Variants in SREK1IP1 observed in about 807,000 individuals in gnomAD.
SREK1IP1 encodes the protein protein SREK1IP1.
A neutral mutation model predicts 22.8 loss-of-function variants in SREK1IP1; 12 were observed. The observed-to-expected ratio is 0.53, with a 90% CI of 0.34 to 0.85. SREK1IP1 has a LOEUF of 0.85. Ranked by LOEUF, SREK1IP1 falls within the 40% of genes least tolerant of loss-of-function variation. The probability of loss-of-function intolerance (pLI) is 0.02; values close to 1 mark genes in which losing one functional copy is unlikely to be tolerated. For synonymous variants in SREK1IP1, 53 were observed against 52.7 expected, an observed-to-expected ratio of 1.01 and a Z score of -0.02; for missense variants, 147 against 171.8, an observed-to-expected ratio of 0.86 and a Z score of 0.81.
intron 1 of SREK1IP1, among the ~76,000 whole-genome samples, chr5:64,763,720 TG>T (rs1358679476): frequency 1.3e-5 from 2 of 152,210 alleles, no homozygotes; most frequent in East Asian, 3.8e-4. Context: ...TTACCTATGA[TG>T]GGTATAACTT....
At position 64,755,623 on chromosome 5, in the gene SREK1IP1, T is replaced by C. The variant is rs149000376; in HGVS notation, c.14-1261A>G. Among the ~76,000 whole-genome samples, 553 of 152,138 alleles carry C rather than the reference T, an allele frequency of 3.6e-3. 4 individuals carry two copies. The highest frequency in any genetic ancestry group is 9.2e-3 in the African/African-American group (381 of 41,486). ...TATGCTCAGTACCTTAGTGATGGGA[T>C]TTGTACCCCAAACCTCACCATTATG... On this transcript the variant is annotated intron_variant, in intron 1 of 4. Transcript: ENST00000513458.
intron 1 of SREK1IP1, among the ~76,000 whole-genome samples, chr5:64,757,206 G>T (rs904065211): frequency 6.6e-6 from 1 of 152,194 alleles, no homozygotes; most frequent in Non-Finnish European, 1.5e-5. Flanking sequence ...GGGCCAGCCT[G>T]GGCAACATAG....
At chr5:64,754,118 C>T (rs1742795113) in intron 2 of SREK1IP1, among the ~76,000 whole-genome samples, 197 bp downstream of exon 2, 1 of 152,146 alleles carries the variant, frequency 6.6e-6, no homozygotes, top group South Asian at 2.1e-4. Flanking sequence ...TACATAGCTA[C>T]CTGTTACTGG....
intron 1 of SREK1IP1, among the ~76,000 whole-genome samples, chr5:64,767,176 C>T (rs1283247257): frequency 6.6e-6 from 1 of 152,184 alleles, no homozygotes; most frequent in African/African-American, 2.4e-5. Context: ...ACTGCAGTCT[C>T]CTCTCCCTTC....
chr5:64,727,553 A>ATATATATATATATTTTTTTTT, intron 4 of SREK1IP1: 15 of 84,670 alleles, frequency 1.8e-4, no homozygotes, highest in African/African-American at 8.2e-4. Context: ...ATATATATAT[A>ATATATATATATATTTTTTTTT]TTTTTTTTTT....
intron 2 of SREK1IP1, among the ~76,000 whole-genome samples, chr5:64,747,569 G>T (rs1742661564): frequency 6.6e-6 from 1 of 152,174 alleles, no homozygotes; most frequent in South Asian, 2.1e-4. Context: ...AAAAGGTAGA[G>T]AAATTAGAGC....
intron 3 of SREK1IP1, among the ~76,000 whole-genome samples, chr5:64,732,399 T>C (rs1345392311): frequency 6.6e-6 from 1 of 151,752 alleles, no homozygotes; most frequent in Non-Finnish European, 1.5e-5. Flanking sequence ...GAAGAAAAAA[T>C]AAACATACAA....
intron 2 of SREK1IP1, among the ~76,000 whole-genome samples, chr5:64,742,304 G>A (rs1040737135): frequency 4.6e-5 from 7 of 151,926 alleles, no homozygotes; most frequent in Admixed American, 3.9e-4. Flanking sequence ...GTCTCTTTGT[G>A]CACATGTACT....
chr5:64,752,146 G>GTTTTTT (rs869277379), intron 2 of SREK1IP1, among the ~76,000 whole-genome samples: 1 of 61,038 alleles, frequency 1.6e-5, no homozygotes, highest in Non-Finnish European at 3.0e-5. Context: ...TTTTTTGTGT[G>GTTTTTT]TTTTTTTTTT....
intron 1 of SREK1IP1, among the ~76,000 whole-genome samples, chr5:64,758,075 AC>A (rs1305132792): frequency 6.0e-5 from 9 of 151,160 alleles, no homozygotes; most frequent in African/African-American, 2.2e-4. Flanking sequence ...ATGGGGTTTC[AC>A]CATGTTAGCC....
intron 2 of SREK1IP1, among the ~76,000 whole-genome samples, chr5:64,748,521 T>C (rs1283552120): frequency 1.3e-5 from 2 of 152,172 alleles, no homozygotes; most frequent in African/African-American, 4.8e-5. Flanking sequence ...AAAAAGCAAA[T>C]GAAAAGGAGC....
chr5:64,766,354 C>G (rs1743032531), intron 1 of SREK1IP1, among the ~76,000 whole-genome samples: 1 of 152,154 alleles, frequency 6.6e-6, no homozygotes, highest in Non-Finnish European at 1.5e-5. Context: ...CAGTAAAACC[C>G]AGGTAAACCT....
At chr5:64,733,230 T>C (rs1340973528) in intron 3 of SREK1IP1, among the ~76,000 whole-genome samples, 3 of 152,072 alleles carry the variant, frequency 2.0e-5, no homozygotes, top group African/African-American at 2.4e-5. Context: ...AAAGACCTGG[T>C]AAGAGGATAA....
chr5:64,764,063 G>C (rs1742995436), intron 1 of SREK1IP1, among the ~76,000 whole-genome samples: 1 of 151,952 alleles, frequency 6.6e-6, no homozygotes, highest in African/African-American at 2.4e-5. Flanking sequence ...TTCATGTATT[G>C]CTTAAAGTTT....
intron 3 of SREK1IP1, among the ~76,000 whole-genome samples, chr5:64,739,171 T>C (rs969352459): frequency 6.6e-6 from 1 of 152,190 alleles, no homozygotes; most frequent in Admixed American, 6.5e-5. Context: ...GTCCTTCAGT[T>C]CTTCGAAATT....
At chr5:64,745,917 C>G (rs1296268173) in intron 2 of SREK1IP1, among the ~76,000 whole-genome samples, 1 of 151,180 alleles carries the variant, frequency 6.6e-6, no homozygotes, top group Non-Finnish European at 1.5e-5. Flanking sequence ...GTTCTTACAG[C>G]AAACAATGTA....
intron 3 of SREK1IP1, among the ~76,000 whole-genome samples, chr5:64,731,521 C>CAAAAAA (rs10599290): frequency 2.8e-4 from 21 of 74,682 alleles, no homozygotes; most frequent in East Asian, 1.3e-3. Flanking sequence ...GCCCTTGTCT[C>CAAAAAA]AAAAAAAAAA....
chr5:64,729,916 T>C (rs1742348364), intron 3 of SREK1IP1, among the ~76,000 whole-genome samples: 1 of 152,164 alleles, frequency 6.6e-6, no homozygotes, highest in African/African-American at 2.4e-5. Flanking sequence ...AGTAGGTAGT[T>C]TGGTATGTGA....
rs1424610000 is a variant in SREK1IP1 at position 64,719,274 on chromosome 5, T to A, written c.*5110A>T. The A allele has an allele frequency of 6.6e-6, 1 of 152,220 alleles. No homozygotes were observed. Among genetic ancestry groups the A allele is most frequent in the Admixed American group, 6.5e-5 (1 of 15,280 alleles). 9.4% of individuals were successfully genotyped at this position (152,220 alleles called of 1,614,324 possible). ...CTGGCACCATAGTGCCAGATCACTATTGCAACAACCTACTGCCAAAGTTGA... is the reference window on the plus strand; with the variant it reads ...CTGGCACCATAGTGCCAGATCACTAATGCAACAACCTACTGCCAAAGTTGA... On this transcript the variant is annotated 3_prime_UTR_variant, in exon 5 of 5. Coordinates refer to ENST00000513458, the MANE Select transcript of SREK1IP1 (RefSeq NM_173829.4).
Sources: gnomAD v4.1 joint callset for allele counts (sites outside exome capture counted in the v4.1 genomes callset) on GRCh38, gnomAD v4.1.1 for gene constraint, MANE v1.5 for transcripts, NCBI Gene and HGNC (gene_info 2026-07-23, HGNC 2026-07-21) for gene names.